Variants in PDZRN4 observed in about 807,000 individuals in gnomAD.
PDZRN4 encodes the protein PDZ domain-containing RING finger protein 4.
Under a neutral mutation model 99.0 loss-of-function variants are expected in PDZRN4, and 70 were observed. That is an observed-to-expected ratio of 0.71 (90% CI 0.58 to 0.86). The LOEUF is 0.86. PDZRN4 is among the 40% of genes least tolerant of loss of function. The pLI, the probability that PDZRN4 is intolerant of heterozygous loss-of-function variation, is 0.00. For synonymous variants in PDZRN4, 551 were observed against 501.6 expected (o/e 1.10, Z -1.32); for missense variants, 1,474 against 1,331.2 (o/e 1.11, Z -1.67).
rs1049917118 is a variant in PDZRN4, at chr12:41,188,333, C to A, written c.-123C>A. ...ACAAACAGTGAGATCACACCTCCCA[C>A]CCGCCACCTCCCTCCACTGCCGCCG... is the stretch of plus-strand genomic sequence containing the variant. On this transcript the variant is annotated 5_prime_UTR_variant, in exon 1 of 10. Transcript: ENST00000402685. 2.4e-5 allele frequency: 21 copies of A among 875,966 alleles called. No homozygotes were observed. Among genetic ancestry groups the A allele is most frequent in the Non-Finnish European group, 3.5e-5 (21 of 596,372 alleles). 54.3% of individuals were successfully genotyped at this position (875,966 alleles called of 1,614,324 possible).
intron 3 of PDZRN4, among the ~76,000 whole-genome samples, chr12:41,223,122 C>G (rs567291831): frequency 6.6e-6 from 1 of 152,120 alleles, no homozygotes. Flanking sequence ...GCTTACACAA[C>G]AGGTAGGTAT....
At chr12:41,298,899 A>T (rs1951513183) in intron 3 of PDZRN4, among the ~76,000 whole-genome samples, 1 of 152,174 alleles carries the variant, frequency 6.6e-6, no homozygotes, top group Non-Finnish European at 1.5e-5. Flanking sequence ...AGTGGTGATC[A>T]GTTCTCTAAG....
intron 3 of PDZRN4, among the ~76,000 whole-genome samples, chr12:41,221,322 G>A (rs918157956): frequency 1.3e-5 from 2 of 152,170 alleles, no homozygotes; most frequent in African/African-American, 4.8e-5. Context: ...GGTGAAGTGG[G>A]TGTGCTATTG....
intron 3 of PDZRN4, among the ~76,000 whole-genome samples, chr12:41,195,653 T>G (rs1161194070): frequency 6.6e-6 from 1 of 152,190 alleles, no homozygotes; most frequent in Non-Finnish European, 1.5e-5. Context: ...GTATCAAGAT[T>G]TTTATTCTTC....
At chr12:41,542,315 C>A (rs1433287818) in intron 5 of PDZRN4, among the ~76,000 whole-genome samples, 1 of 152,182 alleles carries the variant, frequency 6.6e-6, no homozygotes, top group South Asian at 2.1e-4. Flanking sequence ...GGACAGTACT[C>A]TTCTATAAAA....
At chr12:41,221,353 A>C (rs1301895168) in intron 3 of PDZRN4, among the ~76,000 whole-genome samples, 2 of 152,188 alleles carry the variant, frequency 1.3e-5, no homozygotes, top group Non-Finnish European at 2.9e-5. Flanking sequence ...ATATTGCATC[A>C]ACTTATATGA....
intron 3 of PDZRN4, among the ~76,000 whole-genome samples, chr12:41,302,112 ATAT>A (rs1951540362): frequency 6.6e-6 from 1 of 152,060 alleles, no homozygotes; most frequent in African/African-American, 2.4e-5. Flanking sequence ...ATATATGTGC[ATAT>A]GCATACACAC....
At chr12:41,325,993 T>G (rs1274618179) in intron 3 of PDZRN4, among the ~76,000 whole-genome samples, 1 of 152,086 alleles carries the variant, frequency 6.6e-6, no homozygotes, top group Non-Finnish European at 1.5e-5. Flanking sequence ...TCTTTTTTTT[T>G]CTTGTTTTTG....
chr12:41,513,184 T>A (rs1414787639), intron 5 of PDZRN4, among the ~76,000 whole-genome samples: 1 of 152,056 alleles, frequency 6.6e-6, no homozygotes, highest in Non-Finnish European at 1.5e-5. Context: ...ACACATATTA[T>A]TTCACTGATG....
At chr12:41,473,196 G>T (rs933860258) in intron 3 of PDZRN4, among the ~76,000 whole-genome samples, 2 of 151,922 alleles carry the variant, frequency 1.3e-5, no homozygotes, top group African/African-American at 4.8e-5. Flanking sequence ...TCACAAATTG[G>T]CAATACCATA....
At chr12:41,254,795 G>T (rs1473637913) in intron 3 of PDZRN4, among the ~76,000 whole-genome samples, 1 of 152,198 alleles carries the variant, frequency 6.6e-6, no homozygotes, top group Non-Finnish European at 1.5e-5. Flanking sequence ...TGATAGATTA[G>T]TAAGAGGTTG....
intron 3 of PDZRN4, among the ~76,000 whole-genome samples, chr12:41,481,599 A>AT (rs1367440286): frequency 1.3e-5 from 2 of 152,098 alleles, no homozygotes; most frequent in Admixed American, 6.6e-5. Flanking sequence ...TCCATTTGAA[A>AT]ACATGTTCCT....
At chr12:41,218,441 A>G (rs906652318) in intron 3 of PDZRN4, among the ~76,000 whole-genome samples, 5 of 152,042 alleles carry the variant, frequency 3.3e-5, no homozygotes, top group Admixed American at 3.3e-4. Flanking sequence ...TGTACTATTA[A>G]TCTGCTATAG....
chr12:41,267,584 C>T (rs1402638540), intron 3 of PDZRN4, among the ~76,000 whole-genome samples: 1 of 151,594 alleles, frequency 6.6e-6, no homozygotes, highest in Non-Finnish European at 1.5e-5. Flanking sequence ...AATCCCAGCA[C>T]TTTGGGAGGC....
chr12:41,281,433 A>T (rs1371744385), intron 3 of PDZRN4, among the ~76,000 whole-genome samples: 1 of 152,202 alleles, frequency 6.6e-6, no homozygotes, highest in African/African-American at 2.4e-5. Flanking sequence ...CTAAAGGAGC[A>T]TGTTCTAACT....
At chr12:41,414,546 T>C (rs888926234) in intron 3 of PDZRN4, among the ~76,000 whole-genome samples, 3 of 151,854 alleles carry the variant, frequency 2.0e-5, no homozygotes, top group African/African-American at 4.8e-5. Flanking sequence ...TATTTTTGTC[T>C]GAAAAAAATA....
intron 3 of PDZRN4, among the ~76,000 whole-genome samples, chr12:41,368,428 T>TA (rs1952017665): frequency 6.6e-6 from 1 of 152,160 alleles, no homozygotes; most frequent in Admixed American, 6.5e-5. Context: ...CAAACTCATG[T>TA]ACATGAGAGA....
intron 3 of PDZRN4, among the ~76,000 whole-genome samples, chr12:41,421,229 A>G (rs1041195100): frequency 2.0e-5 from 3 of 151,962 alleles, no homozygotes; most frequent in Non-Finnish European, 4.4e-5. Flanking sequence ...TTGAGACAGA[A>G]TCTTGCTTTG....
intron 6 of PDZRN4, 126 bp from the exon 7 acceptor site, chr12:41,555,572 T>C (rs1015820128): frequency 1.4e-6 from 1 of 692,920 alleles, no homozygotes; most frequent in Non-Finnish European, 2.6e-6. Flanking sequence ...AAATATTATG[T>C]ATACTGTCAC....
Sources: allele counts gnomAD v4.1 joint callset (sites outside exome capture counted in the v4.1 genomes callset), GRCh38; gene constraint gnomAD v4.1.1; transcripts MANE v1.5; gene names NCBI Gene and HGNC (gene_info 2026-07-23, HGNC 2026-07-21).